Variants in SGK3 observed in about 807,000 individuals in gnomAD.
The protein encoded by SGK3 is serine/threonine-protein kinase Sgk3.
Under a neutral mutation model 68.5 loss-of-function variants are expected in SGK3, and 47 were observed. That is an observed-to-expected ratio of 0.69 (90% CI 0.54 to 0.87). The LOEUF is 0.87. Ranked by LOEUF, SGK3 falls within the 40% of genes least tolerant of loss-of-function variation. The pLI, the probability that SGK3 is intolerant of heterozygous loss-of-function variation, is 0.00. For missense variants in SGK3, 479 were observed against 575.5 expected, an observed-to-expected ratio of 0.83 and a Z score of 1.72; for synonymous variants, 181 against 189.1, an observed-to-expected ratio of 0.96 and a Z score of 0.35.
At chr8:66,849,074 G>T (rs1437010108) in intron 15 of SGK3, among the ~76,000 whole-genome samples, 1 of 152,152 alleles carries the variant, frequency 6.6e-6, no homozygotes, top group African/African-American at 2.4e-5. Context: ...AACTTCAAGT[G>T]TTGCAGTGCC....
At chr8:66,786,603 G>GC (rs2130546577) in intron 1 of SGK3, among the ~76,000 whole-genome samples, 1 of 152,272 alleles carries the variant, frequency 6.6e-6, no homozygotes, top group African/African-American at 2.4e-5. Context: ...TAGCTCTATT[G>GC]CCTGTTAGTT....
In SGK3 at chr8:66,755,976, A is replaced by G. The variant is rs1043813949; in HGVS notation, c.-121-37640A>G. 3.3e-5 allele frequency among the ~76,000 whole-genome samples: 5 copies of G among 152,196 alleles called. No individual in the cohort carries two copies. The East Asian group carries it at 9.7e-4, about 29-fold the overall frequency. Reference sequence around the variant, plus strand: ...TGATAGCCTGAATTGTGTCCCCTCAAATTCATATGTTGATGTTCTAGCCCC... The same window carrying G: ...TGATAGCCTGAATTGTGTCCCCTCAGATTCATATGTTGATGTTCTAGCCCC... On this transcript the variant is annotated intron_variant, in intron 1 of 16. Transcript: ENST00000521198.
At chr8:66,739,188 G>T (rs1031920442) in intron 1 of SGK3, among the ~76,000 whole-genome samples, 1 of 152,236 alleles carries the variant, frequency 6.6e-6, no homozygotes, top group South Asian at 2.1e-4. Flanking sequence ...AGGACATGGC[G>T]CTGGATTCTG....
At chr8:66,811,322 T>A (rs574053060) in intron 4 of SGK3, among the ~76,000 whole-genome samples, 1 of 152,322 alleles carries the variant, frequency 6.6e-6, no homozygotes, top group African/African-American at 2.4e-5. Context: ...CCAGCCTTTT[T>A]AAAATTTCTA....
intron 1 of SGK3, among the ~76,000 whole-genome samples, chr8:66,776,200 G>A (rs1422850003): frequency 6.6e-6 from 1 of 152,026 alleles, no homozygotes; most frequent in Non-Finnish European, 1.5e-5. Context: ...CTTTCACTAG[G>A]GGTGTTACCT....
intron 1 of SGK3, among the ~76,000 whole-genome samples, chr8:66,730,538 T>C (rs181905892): frequency 3.2e-4 from 48 of 152,282 alleles, no homozygotes; most frequent in African/African-American, 1.1e-3. Context: ...GTCACAGAAA[T>C]TTACTCCTAT....
chr8:66,856,929 C>G (rs1195983613), intron 16 of SGK3, among the ~76,000 whole-genome samples: 1 of 152,060 alleles, frequency 6.6e-6, no homozygotes, highest in Non-Finnish European at 1.5e-5. Flanking sequence ...CCTGTCTCTA[C>G]TAGAAATACA....
At chr8:66,849,249 C>A (rs1298714663) in intron 15 of SGK3, among the ~76,000 whole-genome samples, 1 of 152,186 alleles carries the variant, frequency 6.6e-6, no homozygotes, top group Non-Finnish European at 1.5e-5. Context: ...GCCTGCTCAA[C>A]ATCACCACTT....
chr8:66,781,231 G>A (rs1405458552), intron 1 of SGK3, among the ~76,000 whole-genome samples: 2 of 152,210 alleles, frequency 1.3e-5, no homozygotes, highest in Non-Finnish European at 2.9e-5. Context: ...GGCTGAGAAG[G>A]CTAGGACAGC....
chr8:66,846,411 T>G (rs530325118), intron 14 of SGK3, among the ~76,000 whole-genome samples: 2 of 152,268 alleles, frequency 1.3e-5, no homozygotes, highest in South Asian at 2.1e-4. Context: ...GCCTCCCAGG[T>G]TTAACCGATT....
chr8:66,803,735 C>T (rs1432515795), intron 3 of SGK3, among the ~76,000 whole-genome samples: 1 of 151,692 alleles, frequency 6.6e-6, no homozygotes, highest in Non-Finnish European at 1.5e-5. Flanking sequence ...TGGCTCCCTG[C>T]AGCCCCAACC....
At chr8:66,791,291 G>C (rs1046503037) in intron 1 of SGK3, among the ~76,000 whole-genome samples, 1 of 152,208 alleles carries the variant, frequency 6.6e-6, no homozygotes, top group Non-Finnish European at 1.5e-5. Flanking sequence ...CAAAAGCAAA[G>C]TGTGCTACTT....
At chr8:66,790,495 C>T (rs1807401283) in intron 1 of SGK3, among the ~76,000 whole-genome samples, 1 of 152,184 alleles carries the variant, frequency 6.6e-6, no homozygotes, top group East Asian at 1.9e-4. Flanking sequence ...AGTCATTGTC[C>T]TTTCCAGCCA....
intron 10 of SGK3, among the ~76,000 whole-genome samples, chr8:66,839,484 AT>A (rs1298608698): frequency 8.3e-5 from 9 of 107,916 alleles, no homozygotes; most frequent in African/African-American, 3.2e-4. Flanking sequence ...GCTCAAGTAA[AT>A]TATATGTATG....
chr8:66,725,274 G>A (rs1229128669), intron 1 of SGK3, among the ~76,000 whole-genome samples: 7 of 151,910 alleles, frequency 4.6e-5, no homozygotes, highest in Non-Finnish European at 7.4e-5. Flanking sequence ...AGTGGTGGGC[G>A]CCTGTAATCC....
In SGK3 at chr8:66,831,280, T is replaced by G; in HGVS notation, c.494T>G (p.Leu165Ter). 6.2e-7 allele frequency: 1 copy of G among 1,614,108 alleles called. No homozygotes were observed. Among genetic ancestry groups the G allele is most frequent in the Non-Finnish European group, 8.5e-7 (1 of 1,179,972 alleles). Residue 165 changes from leucine to a stop codon, truncating the protein, a stop_gained, in exon 8 of 17, where the codon TTA becomes TGA. Transcript: ENST00000521198. LOFTEE classifies it high-confidence loss of function. ...PHAKPTDFDF[L>*]KVIGKGSFGK... ...GCCAAACCAACTGACTTTGATTTCT[T>G]AAAAGTTATTGGAAAAGGCAGCTTT... is the stretch of plus-strand genomic sequence containing the variant.
intron 2 of SGK3, among the ~76,000 whole-genome samples, chr8:66,794,036 A>G (rs1423903654): frequency 6.6e-6 from 1 of 152,110 alleles, no homozygotes; most frequent in Non-Finnish European, 1.5e-5. Context: ...CTCTTTACTT[A>G]TCTTCTTGGA....
At chr8:66,845,285 G>C (rs1341501046) in intron 14 of SGK3, among the ~76,000 whole-genome samples, 4 of 152,080 alleles carry the variant, frequency 2.6e-5, no homozygotes, top group Admixed American at 2.0e-4. Flanking sequence ...TGTAATCCCA[G>C]ATACTTGGGA....
At chr8:66,744,529 T>TTC (rs1805589809) in intron 1 of SGK3, among the ~76,000 whole-genome samples, 1 of 112,900 alleles carries the variant, frequency 8.9e-6, no homozygotes, top group African/African-American at 3.4e-5. Context: ...ATTTTTTTTT[T>TTC]TTTTTTTTTT....
Sources: gnomAD v4.1 joint callset for allele counts (sites outside exome capture counted in the v4.1 genomes callset) on GRCh38, gnomAD v4.1.1 for gene constraint, MANE v1.5 for transcripts, NCBI Gene and HGNC (gene_info 2026-07-23, HGNC 2026-07-21) for gene names.